The following PDE8A variants were observed in gnomAD, a reference collection of about 807,000 sequenced individuals.
PDE8A encodes high affinity cAMP-specific and IBMX-insensitive 3',5'-cyclic phosphodiesterase 8A.
PDE8A carries 59 observed loss-of-function variants against 105.0 expected under a neutral mutation model. The observed-to-expected ratio is 0.56, with a 90% CI of 0.46 to 0.70. The LOEUF (loss-of-function observed/expected upper bound fraction) is 0.70, where lower values mean the gene tolerates loss of function less well. Among genes scored for constraint, PDE8A ranks in the 30% least tolerant of loss-of-function variants. The pLI, the probability that PDE8A is intolerant of heterozygous loss-of-function variation, is 0.00. For synonymous variants in PDE8A, 355 were observed against 371.9 expected, an observed-to-expected ratio of 0.95 and a Z score of 0.52; for missense variants, 1,014 against 1,045.9, an observed-to-expected ratio of 0.97 and a Z score of 0.42.
chr15:85,038,589 C>A (rs2080748713), intron 1 of PDE8A, among the ~76,000 whole-genome samples: 1 of 152,118 alleles, frequency 6.6e-6, no homozygotes, highest in South Asian at 2.1e-4. Context: ...ATTTGCAAAT[C>A]ACACATCAGA....
rs758688096 is a variant in PDE8A at position 85,126,355 on chromosome 15, C to T, written c.2234C>T (p.Ser745Leu). ...QYCIEWAARI[S>L]EEYFSQTDEE... ...TGCATCGAGTGGGCTGCACGCATTT[C>T]GGAAGAATATTTTTCTCAGGTAAGT... Residue 745 changes from serine to leucine, a missense_variant, in exon 20 of 22, where the codon TCG (serine) becomes TTG (leucine). Ser to Leu is a moderately radical substitution (Grantham distance 145). Transcript: ENST00000394553. The T allele has an allele frequency of 5.7e-6, 9 of 1,581,074 alleles. No individual in the cohort carries two copies. The highest frequency in any genetic ancestry group is 5.4e-5 in the African/African-American group (4 of 73,424).
chr15:84,998,045 A>G (rs2080008335), intron 1 of PDE8A, among the ~76,000 whole-genome samples: 1 of 152,262 alleles, frequency 6.6e-6, no homozygotes. Flanking sequence ...AAAGCCCTAA[A>G]TTAAAAATTT....
intron 1 of PDE8A, among the ~76,000 whole-genome samples, chr15:85,026,884 A>T (rs1043588659): frequency 6.6e-6 from 1 of 152,184 alleles, no homozygotes; most frequent in Admixed American, 6.5e-5. Flanking sequence ...TGTTTCAGTT[A>T]TGTGTGTCTG....
At chr15:85,076,065 T>C in intron 4 of PDE8A, 147 bp downstream of exon 4, 1 of 534,334 alleles carries the variant, frequency 1.9e-6, no homozygotes, top group South Asian at 3.7e-5. Flanking sequence ...TTTATTTTGC[T>C]GCTTCAGTTA....
At chr15:85,101,238 A>G (rs972758290) in intron 11 of PDE8A, among the ~76,000 whole-genome samples, 2 of 152,222 alleles carry the variant, frequency 1.3e-5, no homozygotes, top group Non-Finnish European at 2.9e-5. Context: ...TGGGTGCCCC[A>G]GGAGCAATCA....
chr15:85,021,330 C>T (rs1369362370), intron 1 of PDE8A, among the ~76,000 whole-genome samples: 1 of 152,122 alleles, frequency 6.6e-6, no homozygotes, highest in Admixed American at 6.5e-5. Context: ...TTGCTTGAAG[C>T]CAGGAGTTCA....
chr15:85,059,709 T>C (rs905379861), intron 1 of PDE8A, among the ~76,000 whole-genome samples: 1 of 152,202 alleles, frequency 6.6e-6, no homozygotes, highest in African/African-American at 2.4e-5. Flanking sequence ...TGTCTTTGGA[T>C]CTAAAGTGAA....
At chr15:85,069,287 C>G (rs2081277585) in intron 3 of PDE8A, among the ~76,000 whole-genome samples, 1 of 152,134 alleles carries the variant, frequency 6.6e-6, no homozygotes, top group African/African-American at 2.4e-5. Context: ...TCAGATGTGC[C>G]TCTCCTCTAT....
chr15:85,100,282 G>C, intron 11 of PDE8A, 84 bp downstream of exon 11: 1 of 1,194,366 alleles, frequency 8.4e-7, no homozygotes, highest in South Asian at 1.3e-5. Flanking sequence ...AGCTTGCCTG[G>C]TGTAATGGTG....
intron 1 of PDE8A, among the ~76,000 whole-genome samples, chr15:85,009,679 G>A (rs1202424030): frequency 6.6e-6 from 1 of 152,162 alleles, no homozygotes; most frequent in Non-Finnish European, 1.5e-5. Flanking sequence ...GTCACATGCT[G>A]TTAGCAGGAA....
Position 85,066,496 on chromosome 15 carries a change from G to A in PDE8A, c.244-518G>A, listed in dbSNP as rs1347285305. On this transcript the variant is annotated intron_variant, in intron 2 of 21. Transcript: ENST00000394553. ...ACAAGAACACTGGAACCCTGGAGGTGGAGGTTGCAGTGAGCTGACATCACA... is the reference window on the plus strand; with the variant it reads ...ACAAGAACACTGGAACCCTGGAGGTAGAGGTTGCAGTGAGCTGACATCACA... Among the ~76,000 whole-genome samples, 4 of 151,840 alleles carry A rather than the reference G, an allele frequency of 2.6e-5. No individual in the cohort carries two copies. In the South Asian group the frequency reaches 6.2e-4, roughly 24 times the overall value.
At chr15:85,063,679 C>T (rs769107061) in intron 1 of PDE8A, 2 of 152,242 alleles carry the variant, frequency 1.3e-5, no homozygotes, top group South Asian at 2.1e-4. Context: ...CACCACATTA[C>T]TATCAGATTC....
In PDE8A at chr15:85,080,436, A is replaced by G. The variant is rs144599360; in HGVS notation, c.547-3120A>G. On this transcript the variant is annotated intron_variant, in intron 5 of 21. Transcript: ENST00000394553. Reference sequence around the variant, plus strand: ...TGCAACTAAGGCCGCAAAACTGGCTATTCCTTTTAACAAGAACCTTAGAAG... The same window carrying G: ...TGCAACTAAGGCCGCAAAACTGGCTGTTCCTTTTAACAAGAACCTTAGAAG... Among the ~76,000 whole-genome samples, 568 of 152,312 alleles carry G rather than the reference A, an allele frequency of 3.7e-3. 3 individuals carry two copies. The highest frequency in any genetic ancestry group is 6.6e-3 in the Non-Finnish European group (451 of 68,018).
rs543328834 is a variant in PDE8A, at chr15:85,056,708, G to A, written c.187-7662G>A. 3.3e-4 allele frequency among the ~76,000 whole-genome samples: 50 copies of A among 152,218 alleles called. No homozygotes were observed. In the East Asian group the frequency reaches 8.9e-3, roughly 27 times the overall value. On this transcript the variant is annotated intron_variant, in intron 1 of 21. Transcript: ENST00000394553. ...TGCTGTTTATTCTAGTTAGCCATTC[G>A]TCTAATATTTTTTCAAGGTTTTTAG...
intron 20 of PDE8A, among the ~76,000 whole-genome samples, chr15:85,131,695 A>T (rs183481046): frequency 1.3e-5 from 2 of 152,342 alleles, no homozygotes; most frequent in Non-Finnish European, 2.9e-5. Context: ...ATTTACCATT[A>T]TCAGAGATCT....
chr15:85,078,429 C>T (rs997487777), intron 5 of PDE8A, among the ~76,000 whole-genome samples: 1 of 151,186 alleles, frequency 6.6e-6, no homozygotes, highest in Non-Finnish European at 1.5e-5. Context: ...ACCTGTAATC[C>T]CAGCTACTTG....
intron 1 of PDE8A, among the ~76,000 whole-genome samples, chr15:85,032,669 G>A (rs530435314): frequency 1.3e-5 from 2 of 152,118 alleles, no homozygotes; most frequent in East Asian, 3.9e-4. Flanking sequence ...GTTCTCTTGA[G>A]TATCATATAA....
chr15:85,094,697 C>G (rs12905230), intron 8 of PDE8A, among the ~76,000 whole-genome samples: 3 of 152,304 alleles, frequency 2.0e-5, no homozygotes, highest in East Asian at 3.9e-4. Context: ...TCCCCTCCAT[C>G]AAATCCACAA....
intron 1 of PDE8A, among the ~76,000 whole-genome samples, chr15:85,038,881 G>T (rs2080753487): frequency 6.6e-6 from 1 of 152,194 alleles, no homozygotes; most frequent in African/African-American, 2.4e-5. Flanking sequence ...CAGCACTTTG[G>T]GAGACTGAGG....
Sources: gnomAD v4.1 joint callset for allele counts (sites outside exome capture counted in the v4.1 genomes callset) on GRCh38, gnomAD v4.1.1 for gene constraint, MANE v1.5 for transcripts, NCBI Gene and HGNC (gene_info 2026-07-23, HGNC 2026-07-21) for gene names.